Variants in LARP1 observed in about 807,000 individuals in gnomAD.
LARP1 encodes la-related protein 1.
LARP1 carries 36 observed loss-of-function variants against 122.7 expected under a neutral mutation model. The ratio of observed to expected loss-of-function variants is 0.29; its 90% confidence interval spans 0.22 to 0.39. LARP1 has a LOEUF of 0.39. Among genes scored for constraint, LARP1 ranks in the 10% least tolerant of loss-of-function variants. The probability of loss-of-function intolerance (pLI) is 1.00; values close to 1 mark genes in which losing one functional copy is unlikely to be tolerated. For synonymous variants in LARP1, 539 were observed against 528.7 expected (o/e 1.02, Z -0.27); for missense variants, 1,040 against 1,403.6 (o/e 0.74, Z 4.14).
chr5:154,775,827 A>G (rs756699536), intron 1 of LARP1, among the ~76,000 whole-genome samples: 15 of 152,198 alleles, frequency 9.9e-5, no homozygotes, highest in Non-Finnish European at 1.9e-4. Flanking sequence ...CCTTGGAGTC[A>G]GATACCTTCT....
chr5:154,808,689 G>T, intron 16 of LARP1, 86 bp downstream of exon 16: 1 of 1,396,544 alleles, frequency 7.2e-7, no homozygotes, highest in Non-Finnish European at 9.7e-7. Flanking sequence ...ACTGTAGTTG[G>T]AAATTCCTTG....
chr5:154,710,382 TG>T (rs1184493389), upstream of LARP1, among the ~76,000 whole-genome samples: 1 of 151,892 alleles, frequency 6.6e-6, no homozygotes, highest in Non-Finnish European at 1.5e-5. Context: ...AAGGCCGAGG[TG>T]GGAGGATTGA....
chr5:154,790,822 C>CT (rs1024186260), intron 3 of LARP1, 112 bp downstream of exon 3: 30 of 983,894 alleles, frequency 3.0e-5, no homozygotes, highest in Non-Finnish European at 3.3e-5. Flanking sequence ...TTCATTCTTT[C>CT]TTTTTTTTCC....
At chr5:154,801,222 C>T (rs984459715) in intron 10 of LARP1, among the ~76,000 whole-genome samples, 2 of 152,244 alleles carry the variant, frequency 1.3e-5, no homozygotes, top group African/African-American at 2.4e-5. Flanking sequence ...ACCGTGTTTT[C>T]TCTTGCCTTT....
intron 1 of LARP1, among the ~76,000 whole-genome samples, chr5:154,764,555 C>G (rs1400303316): frequency 7.5e-6 from 1 of 134,206 alleles, no homozygotes; most frequent in Admixed American, 8.3e-5. Context: ...GAGCAAGAGC[C>G]ACTGCACTCC....
At chr5:154,704,132 G>C (rs1418636218) in intron 1 of LARP1, among the ~76,000 whole-genome samples, 1 of 152,184 alleles carries the variant, frequency 6.6e-6, no homozygotes. Context: ...TTTACCCCCA[G>C]AAATGAACAC....
upstream of LARP1, among the ~76,000 whole-genome samples, chr5:154,751,222 C>T (rs1001827911): frequency 2.6e-5 from 4 of 152,024 alleles, no homozygotes; most frequent in African/African-American, 9.7e-5. Flanking sequence ...TAAGGCCTGG[C>T]GATATAGAAC....
intron 1 of LARP1, among the ~76,000 whole-genome samples, chr5:154,713,946 G>C (rs1461323473): frequency 1.3e-5 from 2 of 152,200 alleles, no homozygotes; most frequent in Non-Finnish European, 2.9e-5. Context: ...TGAACACAGG[G>C]CCTGGAGGCC....
intron 1 of LARP1, among the ~76,000 whole-genome samples, chr5:154,722,784 G>A (rs1475346514): frequency 2.0e-5 from 3 of 149,788 alleles, no homozygotes; most frequent in Non-Finnish European, 4.4e-5. Context: ...AGATTCAAGC[G>A]ATTCTCCTGC....
chr5:154,728,275 G>A (rs1437645203), intron 1 of LARP1, among the ~76,000 whole-genome samples: 1 of 152,162 alleles, frequency 6.6e-6, no homozygotes, highest in Admixed American at 6.6e-5. Context: ...ACAGTAGATT[G>A]TCTGCCATGA....
chr5:154,799,471 T>TA, intron 8 of LARP1, 120 bp from the exon 9 acceptor site: 1 of 965,724 alleles, frequency 1.0e-6, no homozygotes. Context: ...TCAATTTTCT[T>TA]ATATTACTGG....
intron 1 of LARP1, among the ~76,000 whole-genome samples, chr5:154,724,357 C>T (rs1756068347): frequency 6.6e-6 from 1 of 152,200 alleles, no homozygotes; most frequent in African/African-American, 2.4e-5. Flanking sequence ...AGACTGCTGA[C>T]TTTTCAGTGG....
At chr5:154,747,619 C>G (rs552214222) in intron 1 of LARP1, among the ~76,000 whole-genome samples, 127 of 152,258 alleles carry the variant, frequency 8.3e-4, no homozygotes, top group Non-Finnish European at 1.4e-3. Flanking sequence ...ATCGCTTGAA[C>G]CTGGGAGGCG....
chr5:154,694,456 C>G (rs1754377713), intron 1 of LARP1, among the ~76,000 whole-genome samples: 1 of 151,662 alleles, frequency 6.6e-6, no homozygotes, highest in Non-Finnish European at 1.5e-5. Flanking sequence ...GATGACATCT[C>G]ACTACATTGC....
chr5:154,702,443 C>T (rs1237280308), intron 1 of LARP1, among the ~76,000 whole-genome samples: 1 of 151,846 alleles, frequency 6.6e-6, no homozygotes, highest in African/African-American at 2.4e-5. Flanking sequence ...GTAATCACAG[C>T]TACTAGGGAT....
At chr5:154,773,810 C>CA (rs1158404817) in intron 1 of LARP1, among the ~76,000 whole-genome samples, 1 of 152,212 alleles carries the variant, frequency 6.6e-6, no homozygotes, top group Non-Finnish European at 1.5e-5. Flanking sequence ...AGCAGGCCAG[C>CA]ACTGGCCTGT....
intron 1 of LARP1, among the ~76,000 whole-genome samples, chr5:154,717,359 A>G (rs902803191): frequency 6.6e-6 from 1 of 152,102 alleles, no homozygotes; most frequent in Admixed American, 6.6e-5. Context: ...TCTACTCCTT[A>G]CTTACATAGC....
chr5:154,706,332 AAT>A (rs1247286424), intron 1 of LARP1, among the ~76,000 whole-genome samples: 6 of 142,798 alleles, frequency 4.2e-5, no homozygotes, highest in South Asian at 2.3e-4. Context: ...TAATAATAAT[AAT>A]AAAATGTGGT....
intron 1 of LARP1, among the ~76,000 whole-genome samples, chr5:154,725,104 G>C (rs1477156083): frequency 6.6e-6 from 1 of 152,034 alleles, no homozygotes; most frequent in Admixed American, 6.6e-5. Context: ...AAATTAGCCA[G>C]GTGTGGGCTG....
Sources: allele counts gnomAD v4.1 joint callset (sites outside exome capture counted in the v4.1 genomes callset), GRCh38; gene constraint gnomAD v4.1.1; transcripts MANE v1.5; gene names NCBI Gene and HGNC (gene_info 2026-07-23, HGNC 2026-07-21).